The following EHBP1 variants were observed in gnomAD, a reference collection of about 807,000 sequenced individuals.
The protein encoded by EHBP1 is EH domain-binding protein 1.
EHBP1 carries 55 observed loss-of-function variants against 144.0 expected under a neutral mutation model. That is an observed-to-expected ratio of 0.38 (90% CI 0.31 to 0.48). The LOEUF is 0.48. Among genes scored for constraint, EHBP1 ranks in the 20% least tolerant of loss-of-function variants. The pLI, the probability that EHBP1 is intolerant of heterozygous loss-of-function variation, is 0.98. For missense variants in EHBP1, 1,200 were observed against 1,364.2 expected, an observed-to-expected ratio of 0.88 and a Z score of 1.90; for synonymous variants, 469 against 472.7, an observed-to-expected ratio of 0.99 and a Z score of 0.10.
rs776281987 is a variant in EHBP1 at position 62,993,974 on chromosome 2, T to A, written c.2976T>A (p.Leu992=). 1.3e-6 allele frequency: 2 copies of A among 1,557,288 alleles called. No individual in the cohort carries two copies. The highest frequency in any genetic ancestry group is 4.7e-5 in the East Asian group (2 of 42,592). ...TQRKPSEDEV[L]NKGFKDTSQY... ...GGAAGCCATCAGAAGATGAAGTGCTTAATGTATATTAATTTTTTGTGTGGT... is the reference window on the plus strand; with the variant it reads ...GGAAGCCATCAGAAGATGAAGTGCTAAATGTATATTAATTTTTTGTGTGGT... Residue 992 remains leucine, a synonymous_variant, in exon 18 of 23, where the codon CTT becomes CTA. Coordinates refer to ENST00000431489, the MANE Select transcript of EHBP1 (RefSeq NM_001142616.3).
At chr2:62,835,880 G>C (rs867485196) in intron 7 of EHBP1, among the ~76,000 whole-genome samples, 10 of 152,274 alleles carry the variant, frequency 6.6e-5, no homozygotes, top group African/African-American at 2.4e-4. Flanking sequence ...ACAGCAGTCT[G>C]AGATCAAACT....
intron 2 of EHBP1, among the ~76,000 whole-genome samples, chr2:62,711,778 T>G (rs2035167374): frequency 6.6e-6 from 1 of 151,992 alleles, no homozygotes; most frequent in Non-Finnish European, 1.5e-5. Context: ...AAAAAGTGTA[T>G]TAAGGGAGTA....
chr2:62,885,425 A>C (rs2051842736), intron 10 of EHBP1, among the ~76,000 whole-genome samples: 1 of 152,230 alleles, frequency 6.6e-6, no homozygotes, highest in Non-Finnish European at 1.5e-5. Flanking sequence ...AAAAAGATCA[A>C]TGTTTAGAGA....
At chr2:62,837,919 T>C (rs2047424171) in intron 7 of EHBP1, among the ~76,000 whole-genome samples, 1 of 146,376 alleles carries the variant, frequency 6.8e-6, no homozygotes, top group African/African-American at 2.5e-5. Context: ...CTGTCAACAT[T>C]AGACAGATCA....
rs539578713 is a variant in EHBP1, at chr2:62,750,422, C to A, written c.162+2970C>A. 2.6e-5 allele frequency among the ~76,000 whole-genome samples: 4 copies of A among 152,286 alleles called. No homozygotes were observed. The South Asian group carries it at 6.2e-4, about 24-fold the overall frequency. On this transcript the variant is annotated intron_variant, in intron 3 of 22. Coordinates refer to ENST00000431489, the MANE Select transcript of EHBP1 (RefSeq NM_001142616.3). ...TAGTTTGAAGTCAGGTAGCATGATG[C>A]CTCCAGCTTTGTTCTTTTGGCTTAG...
upstream of EHBP1, among the ~76,000 whole-genome samples, chr2:62,705,067 G>A (rs147051453): frequency 1.7e-3 from 255 of 152,282 alleles, 1 homozygote; most frequent in Middle Eastern, 3.4e-3. Flanking sequence ...CAATCCCACT[G>A]AAGACCAGTT....
intron 1 of EHBP1, among the ~76,000 whole-genome samples, chr2:62,689,609 A>T (rs754097724): frequency 1.3e-5 from 2 of 152,240 alleles, no homozygotes; most frequent in Non-Finnish European, 2.9e-5. Context: ...GGTCTCGGAG[A>T]TAACCGAGAT....
chr2:62,796,662 T>C (rs1427685660), intron 5 of EHBP1, among the ~76,000 whole-genome samples: 2 of 152,198 alleles, frequency 1.3e-5, no homozygotes, highest in African/African-American at 4.8e-5. Flanking sequence ...GCTTAATACT[T>C]TGACTTCCAT....
Position 62,974,264 on chromosome 2 carries a change from C to T in EHBP1, c.2461-4924C>T, listed in dbSNP as rs547525243. On this transcript the variant is annotated intron_variant, in intron 14 of 22. Coordinates refer to ENST00000431489, the MANE Select transcript of EHBP1 (RefSeq NM_001142616.3). Reference sequence around the variant, plus strand: ...AGGGTCTTGCTATGTAGCCCAGTTGCTCAGGCTGGTCTTGAACTCCTGGAC... The same window carrying T: ...AGGGTCTTGCTATGTAGCCCAGTTGTTCAGGCTGGTCTTGAACTCCTGGAC... 3.7e-4 allele frequency among the ~76,000 whole-genome samples: 56 copies of T among 152,228 alleles called. 1 individual carries two copies. Among genetic ancestry groups the T allele is most frequent in the Middle Eastern group, 3.4e-3 (1 of 294 alleles).
At chr2:62,754,846 A>G (rs993501264) in intron 3 of EHBP1, among the ~76,000 whole-genome samples, 3 of 152,176 alleles carry the variant, frequency 2.0e-5, no homozygotes, top group African/African-American at 7.2e-5. Flanking sequence ...AAAGCGCAGT[A>G]TGAGGGTGGG....
rs1010597850 is a variant in EHBP1 at position 63,045,780 on chromosome 2, G to A, written c.*280G>A. The A allele has an allele frequency of 6.8e-5, 21 of 307,508 alleles. No homozygotes were observed. Among genetic ancestry groups the A allele is most frequent in the Admixed American group, 4.7e-4 (10 of 21,292 alleles). 19.0% of individuals were successfully genotyped at this position (307,508 alleles called of 1,614,324 possible). ...GACACCTTGTGAGTGATTGGTATTG[G>A]AGGTGTTCAAGAAACTGTTCGAAAA... On this transcript the variant is annotated 3_prime_UTR_variant, in exon 23 of 23. Transcript: ENST00000431489. This position sits in a 1 kb window ranked among gnomAD's most constrained non-coding sequence, Gnocchi z 5.7.
At chr2:62,920,253 G>C (rs1464800452) in intron 10 of EHBP1, among the ~76,000 whole-genome samples, 1 of 152,030 alleles carries the variant, frequency 6.6e-6, no homozygotes, top group Non-Finnish European at 1.5e-5. Flanking sequence ...CATCAGAAAG[G>C]ATCCTCATAT....
chr2:62,900,606 G>C lies in EHBP1; in HGVS notation c.1185+26074G>C, dbSNP rs2053320391. Among the ~76,000 whole-genome samples the C allele has an allele frequency of 2.0e-5, 3 of 151,458 alleles. No individual in the cohort carries two copies. The South Asian group carries it at 6.2e-4, about 32-fold the overall frequency. The stretch of plus-strand genomic sequence containing the variant: ...ACTGCATTCCAGCCTGGGAGGCAGA[G>C]TGAGACCCTGTCTTTAAAAAAAAAA... On this transcript the variant is annotated intron_variant, in intron 10 of 22. Coordinates refer to ENST00000431489, the MANE Select transcript of EHBP1 (RefSeq NM_001142616.3).
rs1558963902 is a variant in EHBP1, at chr2:62,948,677, A to G, written c.1831A>G (p.Arg611Gly). 1 of 1,614,060 alleles carries G rather than the reference A, an allele frequency of 6.2e-7. No individual in the cohort carries two copies. The highest frequency in any genetic ancestry group is 1.7e-5 in the Admixed American group (1 of 60,022). ...AAGCACAGCCTCCCCTTACTGTCGC[A>G]GGACTAAAAGTGACACAGAACCCCA... ...SPSTASPYCR[R>G]TKSDTEPQKS... The change falls in exon 13 of 23, where the codon AGG (arginine) becomes GGG (glycine). Residue 611 changes from arginine to glycine, a missense_variant. Arg to Gly is a moderately radical substitution (Grantham distance 125, BLOSUM62 -2). Transcript: ENST00000431489.
In EHBP1 at chr2:62,861,339, A is replaced by G. The variant is rs533642441; in HGVS notation, c.757+2048A>G. ...GAGATGAGGTTTCGCCATGTCGGCC[A>G]GGATGGTCTCGATTTCCTGACCTTG... On this transcript the variant is annotated intron_variant, in intron 8 of 22. Transcript: ENST00000431489. 1.8e-4 allele frequency among the ~76,000 whole-genome samples: 27 copies of G among 151,668 alleles called. No homozygotes were observed. In the East Asian group the frequency reaches 4.1e-3, roughly 23 times the overall value.
chr2:62,862,089 T>A (rs1248388540), intron 8 of EHBP1, among the ~76,000 whole-genome samples: 1 of 152,156 alleles, frequency 6.6e-6, no homozygotes, highest in Non-Finnish European at 1.5e-5. Context: ...TTGAATATTA[T>A]CATGGTATTA....
At chr2:62,914,879 A>G (rs2054486062) in intron 10 of EHBP1, among the ~76,000 whole-genome samples, 1 of 152,046 alleles carries the variant, frequency 6.6e-6, no homozygotes, top group Admixed American at 6.5e-5. Context: ...AACTTAGCCA[A>G]AATTGCATTC....
At chr2:62,863,377 G>C (rs1373348273) in intron 8 of EHBP1, among the ~76,000 whole-genome samples, 1 of 152,126 alleles carries the variant, frequency 6.6e-6, no homozygotes, top group Non-Finnish European at 1.5e-5. Flanking sequence ...GTGGATCATT[G>C]AGGTCAGAAG....
chr2:62,858,205 C>G (rs1319792565), intron 7 of EHBP1, among the ~76,000 whole-genome samples: 1 of 152,072 alleles, frequency 6.6e-6, no homozygotes, highest in Non-Finnish European at 1.5e-5. Flanking sequence ...CAATAAAATG[C>G]TTTCTATTTT....
Sources: gnomAD v4.1 joint callset for allele counts (sites outside exome capture counted in the v4.1 genomes callset) on GRCh38, gnomAD v4.1.1 for gene constraint, Gnocchi (gnomAD v3.1) non-coding constraint, MANE v1.5 for transcripts, NCBI Gene and HGNC (gene_info 2026-07-23, HGNC 2026-07-21) for gene names.